The following CNTLN variants were observed in gnomAD, a reference collection of about 807,000 sequenced individuals.
The protein encoded by CNTLN is centlein, also known as centlein, centrosomal protein.
CNTLN carries 212 observed loss-of-function variants against 180.0 expected under a neutral mutation model. That is an observed-to-expected ratio of 1.18 (90% CI 1.05 to 1.32). The LOEUF (loss-of-function observed/expected upper bound fraction) is 1.32. Ranked by LOEUF, CNTLN falls within the 40% of genes most tolerant of loss-of-function variation. The pLI is 0.00. For synonymous variants in CNTLN, 722 were observed against 563.1 expected (o/e 1.28, Z -3.99); for missense variants, 2,095 against 1,610.9 (o/e 1.30, Z -5.14).
At chr9:17,201,187 T>C (rs115775218) in intron 2 of CNTLN, among the ~76,000 whole-genome samples, 2,080 of 152,338 alleles carry the variant, frequency 0.014, 53 homozygotes, top group African/African-American at 0.048. Context: ...GAAGCCGTCT[T>C]GATCGTGGTG....
At chr9:17,340,801 T>C (rs1309328665) in intron 10 of CNTLN, 26 bp from the exon 11 acceptor site, 3 of 1,589,150 alleles carry the variant, frequency 1.9e-6, no homozygotes, top group Non-Finnish European at 2.6e-6. Context: ...CAAACTTATA[T>C]ATACTTGCTT....
At chr9:17,242,107 T>C (rs1446866069) in intron 5 of CNTLN, among the ~76,000 whole-genome samples, 2 of 152,218 alleles carry the variant, frequency 1.3e-5, no homozygotes, top group Admixed American at 1.3e-4. Context: ...GTGGATATTC[T>C]TGTCATGTTT....
chr9:17,137,816 A>C (rs1044562365), intron 1 of CNTLN, among the ~76,000 whole-genome samples: 1 of 152,232 alleles, frequency 6.6e-6, no homozygotes, highest in Non-Finnish European at 1.5e-5. Context: ...GGAATGCCTC[A>C]GAATAAGCAT....
chr9:17,332,767 A>C lies in CNTLN; in HGVS notation c.1644+37A>C, dbSNP rs1413447710. The C allele has an allele frequency of 2.1e-5, 32 of 1,518,382 alleles. No homozygotes were observed. In the Middle Eastern group the frequency reaches 5.4e-4, roughly 26 times the overall value. 94.1% of individuals were successfully genotyped at this position (1,518,382 alleles called of 1,614,324 possible). On this transcript the variant is annotated intron_variant, in intron 10 of 25. Coordinates refer to ENST00000380647, the MANE Select transcript of CNTLN (RefSeq NM_017738.4). ...ATCATTTCTTTAGTAGTAACCTTGC[A>C]AAGATAAAAATATACCAAAGTAAAC...
At chr9:17,299,163 A>T (rs7026866) in intron 7 of CNTLN, 1,991 of 175,684 alleles carry the variant, frequency 0.011, 44 homozygotes, top group African/African-American at 0.046. Flanking sequence ...GAATCACTTG[A>T]ACCTGGGAGG....
intron 6 of CNTLN, among the ~76,000 whole-genome samples, chr9:17,296,540 A>G: frequency 6.6e-6 from 1 of 152,120 alleles, no homozygotes; most frequent in Non-Finnish European, 1.5e-5. Context: ...CCTCCTGGCT[A>G]ACGTATCTTA....
At chr9:17,301,190 T>G in intron 7 of CNTLN, 1 of 985,442 alleles carries the variant, frequency 1.0e-6, no homozygotes, top group Non-Finnish European at 1.2e-6. Context: ...AAACCAGAAA[T>G]TCCCTAGTGT....
intron 8 of CNTLN, among the ~76,000 whole-genome samples, chr9:17,318,988 A>G (rs942933964): frequency 6.6e-6 from 1 of 152,216 alleles, no homozygotes; most frequent in African/African-American, 2.4e-5. Context: ...TGAATCTTAT[A>G]GATAGGAATG....
chr9:17,179,067 ACCCCGTC>A (rs1820940501), intron 2 of CNTLN, among the ~76,000 whole-genome samples: 3 of 146,988 alleles, frequency 2.0e-5, no homozygotes, highest in African/African-American at 7.9e-5. Flanking sequence ...AAACGGTGAA[ACCCCGTC>A]TCTACTAAAA....
At chr9:17,145,177 T>G (rs1679699748) in intron 2 of CNTLN, among the ~76,000 whole-genome samples, 1 of 152,234 alleles carries the variant, frequency 6.6e-6, no homozygotes, top group African/African-American at 2.4e-5. Context: ...CTGGGCCTTT[T>G]ACCTGATCTA....
intron 23 of CNTLN, 22 bp from the exon 24 acceptor site, chr9:17,484,273 A>G (rs763669171): frequency 1.4e-5 from 22 of 1,558,690 alleles, no homozygotes; most frequent in African/African-American, 4.2e-5. Flanking sequence ...TATAAGCTCA[A>G]TTTCTTTCCA....
chr9:17,335,246 C>T (rs1344482148), intron 10 of CNTLN, among the ~76,000 whole-genome samples: 3 of 152,168 alleles, frequency 2.0e-5, no homozygotes, highest in South Asian at 4.1e-4. Context: ...TGGCTGGGCG[C>T]GGTGGCTCAC....
the CNTLN span, among the ~76,000 whole-genome samples, chr9:17,521,593 AT>A: frequency 2.0e-5 from 3 of 152,062 alleles, no homozygotes; most frequent in Non-Finnish European, 4.4e-5. Context: ...GCCAGACTGC[AT>A]TTTTTCAGCT....
chr9:17,366,729 G>A lies in CNTLN; in HGVS notation c.1987+12G>A. ...AGAGAGAAGAGAAGGTAAATTTTCA[G>A]AAAATAAATACTTAACAGAGGAATT... is the stretch of plus-strand genomic sequence containing the variant. On this transcript the variant is annotated intron_variant, in intron 13 of 25. Coordinates refer to ENST00000380647, the MANE Select transcript of CNTLN (RefSeq NM_017738.4). 1 of 1,360,528 alleles carries A rather than the reference G, an allele frequency of 7.4e-7. No individual in the cohort carries two copies. Among genetic ancestry groups the A allele is most frequent in the Non-Finnish European group, 1.0e-6 (1 of 969,460 alleles). 84.3% of individuals were successfully genotyped at this position (1,360,528 alleles called of 1,614,324 possible). A position where few individuals can be genotyped will look rare whatever the true frequency, so the allele number is the denominator to read the frequency against.
intron 2 of CNTLN, among the ~76,000 whole-genome samples, chr9:17,179,550 T>C (rs1029938316): frequency 3.3e-5 from 5 of 152,218 alleles, no homozygotes; most frequent in South Asian, 4.1e-4. Flanking sequence ...GTGATTTAAA[T>C]TCTTTAAATT....
chr9:17,239,638 CT>C (rs1168220128), intron 5 of CNTLN, among the ~76,000 whole-genome samples: 4 of 152,028 alleles, frequency 2.6e-5, no homozygotes, highest in African/African-American at 9.7e-5. Flanking sequence ...TTTGAGTTAA[CT>C]TTTGAATATG....
At chr9:17,380,776 C>A (rs1825183762) in intron 13 of CNTLN, among the ~76,000 whole-genome samples, 1 of 152,168 alleles carries the variant, frequency 6.6e-6, no homozygotes, top group African/African-American at 2.4e-5. Flanking sequence ...GATGGGGAAA[C>A]TCATTCATAA....
At chr9:17,378,688 A>C (rs1387257609) in intron 13 of CNTLN, among the ~76,000 whole-genome samples, 1 of 151,942 alleles carries the variant, frequency 6.6e-6, no homozygotes, top group Non-Finnish European at 1.5e-5. Context: ...TTTGGATTCA[A>C]AATCGGTATT....
At chr9:17,261,563 G>C (rs923987206) in intron 5 of CNTLN, among the ~76,000 whole-genome samples, 6 of 151,394 alleles carry the variant, frequency 4.0e-5, no homozygotes, top group South Asian at 2.1e-4. Flanking sequence ...TTCCCTAGGA[G>C]ACTTTTGGTG....
Sources: gnomAD v4.1 joint callset for allele counts (sites outside exome capture counted in the v4.1 genomes callset) on GRCh38, gnomAD v4.1.1 for gene constraint, MANE v1.5 for transcripts, NCBI Gene and HGNC (gene_info 2026-07-23, HGNC 2026-07-21) for gene names.